LINGO2: variants seen among roughly 807,000 people sequenced by gnomAD.
LINGO2 encodes the protein leucine rich repeat and Ig domain containing 2.
In LINGO2, 14 loss-of-function variants were observed where a neutral mutation model predicts 30.6. That is an observed-to-expected ratio of 0.46 (90% confidence interval 0.30 to 0.72). The LOEUF (loss-of-function observed/expected upper bound fraction) is 0.72, where lower values mean the gene tolerates loss of function less well. Among genes scored for constraint, LINGO2 ranks in the 30% least tolerant of loss-of-function variants. The pLI, the probability that LINGO2 is intolerant of heterozygous loss-of-function variation, is 0.07. For synonymous variants in LINGO2, 317 were observed against 288.5 expected, an observed-to-expected ratio of 1.10 and a Z score of -1.00; for missense variants, 729 against 751.7, an observed-to-expected ratio of 0.97 and a Z score of 0.35.
chr9:28,142,158 T>A (rs1424249095), intron 4 of LINGO2, among the ~76,000 whole-genome samples: 8 of 4,124 alleles, frequency 1.9e-3, no homozygotes, highest in Non-Finnish European at 2.6e-3. Context: ...TTTCTTTGTC[T>A]TTTTTTTTTT....
chr9:28,954,016 C>G, the LINGO2 span, among the ~76,000 whole-genome samples: 1 of 152,068 alleles, frequency 6.6e-6, no homozygotes, highest in Non-Finnish European at 1.5e-5. Context: ...TACCGCTAAT[C>G]TTATCCGAAT....
At chr9:29,093,329 T>G in the LINGO2 span, among the ~76,000 whole-genome samples, 8,266 of 132,982 alleles carry the variant, frequency 0.062, 1,987 homozygotes, top group African/African-American at 0.21. Context: ...TACACCTGAT[T>G]AAGATGCCAA....
intron 2 of LINGO2, among the ~76,000 whole-genome samples, chr9:28,373,549 T>C (rs748731753): frequency 5.3e-5 from 8 of 152,242 alleles, no homozygotes; most frequent in Non-Finnish European, 1.2e-4. Flanking sequence ...TTGTTCTCTT[T>C]GAGGAATAAA....
chr9:28,186,257 C>A (rs978121387), intron 4 of LINGO2, among the ~76,000 whole-genome samples: 1 of 152,110 alleles, frequency 6.6e-6, no homozygotes, highest in South Asian at 2.1e-4. Context: ...GCTCATATTG[C>A]ATGTAGGAAA....
At chr9:28,178,611 C>T (rs564079315) in intron 4 of LINGO2, among the ~76,000 whole-genome samples, 3 of 152,128 alleles carry the variant, frequency 2.0e-5, no homozygotes, top group African/African-American at 7.2e-5. Context: ...GTTCACGGAA[C>T]ATTTTGTTCT....
intron 2 of LINGO2, among the ~76,000 whole-genome samples, chr9:28,461,221 T>C (rs972508464): frequency 5.9e-5 from 9 of 152,188 alleles, no homozygotes; most frequent in African/African-American, 2.2e-4. Context: ...GATGGGCTTT[T>C]TGAAACATAT....
chr9:28,893,539 C>A, the LINGO2 span, among the ~76,000 whole-genome samples: 2 of 152,070 alleles, frequency 1.3e-5, no homozygotes, highest in Non-Finnish European at 2.9e-5. Flanking sequence ...CAGATAATAA[C>A]AGTAATCATT....
At chr9:28,197,790 T>A (rs1820067678) in intron 4 of LINGO2, among the ~76,000 whole-genome samples, 1 of 151,950 alleles carries the variant, frequency 6.6e-6, no homozygotes, top group African/African-American at 2.4e-5. Flanking sequence ...GAAACATGCT[T>A]GTGATTCATA....
chr9:28,705,038 T>C, the LINGO2 span, among the ~76,000 whole-genome samples: 1 of 152,044 alleles, frequency 6.6e-6, no homozygotes, highest in Non-Finnish European at 1.5e-5. Context: ...CACCTCAGCC[T>C]CCTGTATCTG....
intron 1 of LINGO2, among the ~76,000 whole-genome samples, chr9:28,636,883 T>A (rs1052363715): frequency 6.6e-6 from 1 of 152,222 alleles, no homozygotes; most frequent in African/African-American, 2.4e-5. Context: ...GTTTTAGACA[T>A]GAGGTCCTTG....
the LINGO2 span, among the ~76,000 whole-genome samples, chr9:28,683,738 G>A: frequency 6.6e-6 from 1 of 152,164 alleles, no homozygotes; most frequent in African/African-American, 2.4e-5. Flanking sequence ...GCTTTATCAT[G>A]AAAGTTTGTC....
intron 4 of LINGO2, among the ~76,000 whole-genome samples, chr9:28,055,631 C>T (rs1473940607): frequency 2.6e-5 from 4 of 152,092 alleles, no homozygotes; most frequent in East Asian, 1.9e-4. Flanking sequence ...TACATAAAAA[C>T]GGCGTCTTGC....
chr9:28,074,979 A>G (rs185854580), intron 4 of LINGO2, among the ~76,000 whole-genome samples: 2 of 151,104 alleles, frequency 1.3e-5, no homozygotes, highest in Admixed American at 6.6e-5. Flanking sequence ...TTTTTAATGT[A>G]TTATATATAA....
chr9:28,506,413 TATATATATACACAC>T (rs1243058570), intron 1 of LINGO2, among the ~76,000 whole-genome samples: 95 of 2,436 alleles, frequency 0.039, 1 homozygote, highest in African/African-American at 0.072. Flanking sequence ...TATATATATA[TATATATATACACAC>T]ACACACACAC....
At chr9:28,691,514 T>G in the LINGO2 span, among the ~76,000 whole-genome samples, 2 of 152,190 alleles carry the variant, frequency 1.3e-5, no homozygotes, top group Non-Finnish European at 2.9e-5. Flanking sequence ...AAGCAAAACC[T>G]TATATCATAA....
chr9:28,481,977 T>C (rs1031613010), intron 1 of LINGO2, among the ~76,000 whole-genome samples: 5 of 152,220 alleles, frequency 3.3e-5, no homozygotes, highest in African/African-American at 9.6e-5. Context: ...GGCTGCATAG[T>C]ATTCCATGGT....
At chr9:28,117,227 T>G (rs139748440) in intron 4 of LINGO2, among the ~76,000 whole-genome samples, 1,789 of 151,668 alleles carry the variant, frequency 0.012, 14 homozygotes, top group Non-Finnish European at 0.02. Context: ...CTGCCCGGGG[T>G]TCAGGGGTCA....
the LINGO2 span, among the ~76,000 whole-genome samples, chr9:29,063,581 T>A: frequency 2.6e-5 from 4 of 152,006 alleles, no homozygotes; most frequent in African/African-American, 9.6e-5. Flanking sequence ...GTATTTTTCA[T>A]AGAGATGGGG....
chr9:28,992,795 A>G, the LINGO2 span, among the ~76,000 whole-genome samples: 1 of 152,184 alleles, frequency 6.6e-6, no homozygotes, highest in Non-Finnish European at 1.5e-5. Flanking sequence ...AGGCAGAAAT[A>G]AAGATGTTCT....
Sources: allele counts gnomAD v4.1 joint callset (sites outside exome capture counted in the v4.1 genomes callset), GRCh38; gene constraint gnomAD v4.1.1; transcripts MANE v1.5; gene names NCBI Gene and HGNC (gene_info 2026-07-23, HGNC 2026-07-21).